Variants in PIK3C3 observed in about 807,000 individuals in gnomAD.
PIK3C3 encodes PI3-kinase type 3.
A neutral mutation model predicts 126.1 loss-of-function variants in PIK3C3; 95 were observed. That is an observed-to-expected ratio of 0.75 (90% CI 0.64 to 0.89). The LOEUF (loss-of-function observed/expected upper bound fraction) is 0.89. Ranked by LOEUF, PIK3C3 falls within the 40% of genes least tolerant of loss-of-function variation. The pLI, the probability that PIK3C3 is intolerant of heterozygous loss-of-function variation, is 0.00. For missense variants in PIK3C3, 829 were observed against 1,063.2 expected, an observed-to-expected ratio of 0.78 and a Z score of 3.06; for synonymous variants, 374 against 360.0, an observed-to-expected ratio of 1.04 and a Z score of -0.44.
In PIK3C3 at chr18:42,086,108, G is replaced by C. The variant is rs1219310873; in HGVS notation, c.*4971G>C. The C allele has an allele frequency of 1.3e-5, 2 of 149,450 alleles. No homozygotes were observed. The highest frequency in any genetic ancestry group is 1.5e-5 in the Non-Finnish European group (1 of 67,244). The allele number at this position is 149,450 out of a possible 1,614,324, so 9.3% of individuals were successfully genotyped here. On this transcript the variant is annotated 3_prime_UTR_variant, in exon 25 of 25. Transcript: ENST00000262039. ...TGCACTGCAGCCTGGGTAATAGAGC[G>C]AGACAACTCTATCTCAAAAAAAAGA...
chr18:42,082,845 C>T lies in PIK3C3; in HGVS notation c.*1708C>T, dbSNP rs546008732. On this transcript the variant is annotated 3_prime_UTR_variant, in exon 25 of 25. Transcript: ENST00000262039. ...GAAGGCAAAAGTGTATCATCTTACT[C>T]GTCTTTATAAACTCCACAGCACTCT... The T allele has an allele frequency of 3.3e-5, 5 of 152,144 alleles. No individual in the cohort carries two copies. The highest frequency in any genetic ancestry group is 2.1e-4 in the South Asian group (1 of 4,832). The allele number at this position is 152,144 out of a possible 1,614,324, so 9.4% of individuals were successfully genotyped here. A position where few individuals can be genotyped will look rare whatever the true frequency, so the allele number is the denominator to read the frequency against.
rs200744647 is a variant in PIK3C3, at chr18:42,004,370, C to A, written c.999C>A (p.Phe333Leu). 1.9e-6 allele frequency: 3 copies of A among 1,608,006 alleles called. No individual in the cohort carries two copies. The highest frequency in any genetic ancestry group is 2.7e-5 in the African/African-American group (2 of 74,572). Residue 333 changes from phenylalanine (F) to leucine (L), a missense_variant, in exon 10 of 25, where the codon TTC becomes TTA. Physicochemically the swap from Phe to Leu is conservative, Grantham distance 22. Transcript: ENST00000262039. The part of the protein sequence containing the change: ...LTNQEKALTK[F>L]LKCVNWDLPQ... ...TCTGATTTTAGGCCTTGACAAAATT[C>A]TTGAAATGTGTTAATTGGGATCTAC... is the stretch of plus-strand genomic sequence containing the variant.
intron 9 of PIK3C3, among the ~76,000 whole-genome samples, 173 bp from the exon 10 acceptor site, chr18:42,004,183 T>C (rs1982426908): frequency 6.6e-6 from 1 of 152,222 alleles, no homozygotes; most frequent in Non-Finnish European, 1.5e-5. Context: ...GCTTTTTTTC[T>C]GTCCTGCAGT....
intron 10 of PIK3C3, among the ~76,000 whole-genome samples, chr18:42,008,168 T>C (rs1264002799): frequency 1.3e-5 from 2 of 152,176 alleles, no homozygotes; most frequent in Admixed American, 6.5e-5. Context: ...TTTGTTAATA[T>C]CTGATTTAGG....
rs779087662 is a variant in PIK3C3, at chr18:41,970,322, CCT to C, written c.402-4_402-3del. The C allele has an allele frequency of 5.0e-6, 8 of 1,612,024 alleles. No individual in the cohort carries two copies. The Admixed American group carries it at 1.3e-4, about 27-fold the overall frequency. On this transcript the variant is annotated splice_polypyrimidine_tract_variant and splice_region_variant and intron_variant, in intron 3 of 24. Transcript: ENST00000262039. ...TTCTACCCTGAACATTCTCTTTTTC[CCT>C]AGCATGTTTCGCCAAGGGATGCATG...
intron 21 of PIK3C3, chr18:42,051,258 A>G (rs1405347756): frequency 6.6e-6 from 1 of 152,218 alleles, no homozygotes; most frequent in Non-Finnish European, 1.5e-5. Flanking sequence ...CCACCTAGCT[A>G]AAGTGTTCAA....
intron 15 of PIK3C3, among the ~76,000 whole-genome samples, chr18:42,031,425 C>CT (rs1395593136): frequency 4.6e-5 from 7 of 151,328 alleles, no homozygotes; most frequent in African/African-American, 1.5e-4. Context: ...TTTTCATCTA[C>CT]TTTTTTTTTG....
intron 9 of PIK3C3, among the ~76,000 whole-genome samples, chr18:41,997,224 G>A (rs1270845243): frequency 1.3e-5 from 2 of 152,194 alleles, no homozygotes; most frequent in East Asian, 3.9e-4. Flanking sequence ...AATTCTAGAC[G>A]AGATGTGGCT....
intron 4 of PIK3C3, among the ~76,000 whole-genome samples, chr18:41,977,094 C>T (rs1208969607): frequency 6.6e-6 from 1 of 152,094 alleles, no homozygotes; most frequent in Non-Finnish European, 1.5e-5. Context: ...ACTGCAGGTC[C>T]TCAAGTATGG....
At chr18:41,966,177 CTTTTTTTTTTT>C (rs10539758) in intron 3 of PIK3C3, among the ~76,000 whole-genome samples, 3 of 112,574 alleles carry the variant, frequency 2.7e-5, no homozygotes, top group African/African-American at 7.4e-5. Flanking sequence ...TATATTGTTC[CTTTTTTTTTTT>C]TTTTTTTTTT....
At chr18:42,058,848 T>C (rs981804422) in intron 22 of PIK3C3, among the ~76,000 whole-genome samples, 2 of 152,208 alleles carry the variant, frequency 1.3e-5, no homozygotes, top group African/African-American at 4.8e-5. Flanking sequence ...AGCCCAACTA[T>C]GCAAAATGAA....
chr18:42,076,089 CATATATATATAT>C (rs71174077), intron 24 of PIK3C3, among the ~76,000 whole-genome samples: 82 of 54,638 alleles, frequency 1.5e-3, no homozygotes, highest in African/African-American at 5.2e-3. Flanking sequence ...CTTTACCTTG[CATATATATATAT>C]ATATATATAT....
intron 21 of PIK3C3, chr18:42,057,553 C>A: frequency 5.1e-6 from 1 of 197,920 alleles, no homozygotes; most frequent in South Asian, 1.0e-4. Context: ...TACAAGATTC[C>A]ACTTTCTGCT....
At chr18:42,018,535 A>G (rs2144413819) in intron 12 of PIK3C3, among the ~76,000 whole-genome samples, 1 of 152,178 alleles carries the variant, frequency 6.6e-6, no homozygotes, top group East Asian at 1.9e-4. Flanking sequence ...TTTTTGGTGC[A>G]TATTTAAAAT....
chr18:41,966,213 CTG>C (rs1462824165), intron 3 of PIK3C3, among the ~76,000 whole-genome samples: 3 of 113,228 alleles, frequency 2.6e-5, no homozygotes, highest in African/African-American at 1.1e-4. Context: ...GATGGATTCT[CTG>C]TCGCCCTGCT....
intron 24 of PIK3C3, among the ~76,000 whole-genome samples, chr18:42,071,025 A>G (rs1487468492): frequency 1.3e-5 from 2 of 152,244 alleles, no homozygotes; most frequent in Admixed American, 6.5e-5. Flanking sequence ...GATACGATGT[A>G]GAAATCCTGT....
chr18:42,017,738 A>G (rs1316011807), intron 12 of PIK3C3, among the ~76,000 whole-genome samples: 1 of 151,918 alleles, frequency 6.6e-6, no homozygotes. Context: ...GTCTTGATTA[A>G]TGTTCATGTT....
At chr18:42,019,055 G>A (rs1282389608) in intron 12 of PIK3C3, among the ~76,000 whole-genome samples, 1 of 151,978 alleles carries the variant, frequency 6.6e-6, no homozygotes, top group East Asian at 1.9e-4. Flanking sequence ...TGACAATTCT[G>A]CCTCATACTT....
intron 22 of PIK3C3, among the ~76,000 whole-genome samples, chr18:42,062,217 G>A (rs1389299812): frequency 6.6e-6 from 1 of 151,822 alleles, no homozygotes; most frequent in African/African-American, 2.4e-5. Flanking sequence ...ACGAATGATG[G>A]AGAGTTAGTT....
Sources: gnomAD v4.1 joint callset for allele counts (sites outside exome capture counted in the v4.1 genomes callset) on GRCh38, gnomAD v4.1.1 for gene constraint, MANE v1.5 for transcripts, NCBI Gene and HGNC (gene_info 2026-07-23, HGNC 2026-07-21) for gene names.